CCSER1: variants seen among roughly 807,000 people sequenced by gnomAD.
CCSER1 encodes coiled-coil serine rich protein 1, also known as serine-rich coiled-coil domain-containing protein 1.
A neutral mutation model predicts 82.0 loss-of-function variants in CCSER1; 41 were observed. The ratio of observed to expected loss-of-function variants is 0.50; its 90% CI spans 0.39 to 0.65. The LOEUF is 0.65. CCSER1 is among the 30% of genes least tolerant of loss of function. CCSER1 has a pLI of 0.00. For missense variants in CCSER1, 1,119 were observed against 1,064.2 expected, an observed-to-expected ratio of 1.05 and a Z score of -0.72; for synonymous variants, 414 against 383.9, an observed-to-expected ratio of 1.08 and a Z score of -0.92.
intron 6 of CCSER1, among the ~76,000 whole-genome samples, chr4:90,688,477 G>A (rs1295480939): frequency 1.3e-5 from 2 of 151,766 alleles, no homozygotes; most frequent in African/African-American, 2.4e-5. Flanking sequence ...TCTTTAAATG[G>A]TTGTCACTAT....
At chr4:90,234,351 G>C (rs1394499229) in intron 1 of CCSER1, among the ~76,000 whole-genome samples, 2 of 151,726 alleles carry the variant, frequency 1.3e-5, no homozygotes, top group Non-Finnish European at 2.9e-5. Flanking sequence ...CAAATAGCTG[G>C]GATTACAGGT....
chr4:91,376,841 T>C (rs753076067), intron 10 of CCSER1, among the ~76,000 whole-genome samples: 8 of 152,124 alleles, frequency 5.3e-5, no homozygotes, highest in Non-Finnish European at 8.8e-5. Context: ...ATGTGCCATG[T>C]TGGTGTGCTG....
intron 1 of CCSER1, among the ~76,000 whole-genome samples, chr4:90,163,538 T>C (rs1366891537): frequency 3.4e-5 from 5 of 145,296 alleles, no homozygotes; most frequent in African/African-American, 1.4e-4. Context: ...TTTTACCTAT[T>C]ATTATTAATT....
chr4:91,327,156 G>A (rs947689991), intron 10 of CCSER1, among the ~76,000 whole-genome samples: 8 of 152,100 alleles, frequency 5.3e-5, no homozygotes, highest in East Asian at 3.9e-4. Flanking sequence ...GTGGGGGCTC[G>A]AACCCCACAT....
intron 6 of CCSER1, among the ~76,000 whole-genome samples, chr4:90,662,868 C>A (rs1350730485): frequency 6.6e-6 from 1 of 152,076 alleles, no homozygotes; most frequent in Non-Finnish European, 1.5e-5. Context: ...ATGTCATAAT[C>A]CAATGATGTC....
At chr4:90,808,748 G>A (rs1460233814) in intron 7 of CCSER1, among the ~76,000 whole-genome samples, 1 of 152,164 alleles carries the variant, frequency 6.6e-6, no homozygotes, top group African/African-American at 2.4e-5. Context: ...ATGTTACCAT[G>A]GATGTGGTAA....
chr4:90,138,733 A>G (rs1724172575), intron 1 of CCSER1, among the ~76,000 whole-genome samples: 1 of 151,926 alleles, frequency 6.6e-6, no homozygotes, highest in Non-Finnish European at 1.5e-5. Context: ...TTTAAGTTCT[A>G]GGGTACATAT....
At chr4:90,202,501 C>T (rs1287752678) in intron 1 of CCSER1, among the ~76,000 whole-genome samples, 2 of 152,168 alleles carry the variant, frequency 1.3e-5, no homozygotes, top group Non-Finnish European at 2.9e-5. Context: ...CTGTGACCCG[C>T]CGTAAATAAA....
chr4:90,809,151 C>CCACA (rs61533923), intron 7 of CCSER1, among the ~76,000 whole-genome samples: 7 of 67,596 alleles, frequency 1.0e-4, no homozygotes, highest in East Asian at 1.1e-3. Flanking sequence ...GACCCCATTT[C>CCACA]CACACACACA....
At chr4:91,417,506 C>A (rs1007080119) in intron 10 of CCSER1, among the ~76,000 whole-genome samples, 3 of 152,002 alleles carry the variant, frequency 2.0e-5, no homozygotes, top group Non-Finnish European at 4.4e-5. Flanking sequence ...GAATACTATG[C>A]AGCTATAAAA....
At chr4:91,485,270 A>G (rs1045854577) in intron 10 of CCSER1, among the ~76,000 whole-genome samples, 1 of 152,178 alleles carries the variant, frequency 6.6e-6, no homozygotes, top group Non-Finnish European at 1.5e-5. Flanking sequence ...CTGGTAGAGG[A>G]CAAAGCGATG....
At chr4:91,073,657 CAG>C (rs1460002083) in intron 9 of CCSER1, among the ~76,000 whole-genome samples, 2 of 151,898 alleles carry the variant, frequency 1.3e-5, no homozygotes. Flanking sequence ...TTAAAAAAAT[CAG>C]AAACTACGGA....
intron 8 of CCSER1, among the ~76,000 whole-genome samples, chr4:90,880,290 A>G (rs1470314784): frequency 6.6e-6 from 1 of 152,056 alleles, no homozygotes; most frequent in Non-Finnish European, 1.5e-5. Context: ...AGTTATGGCT[A>G]AGGGACTTTT....
chr4:90,183,924 AAAT>A (rs1199593473), intron 1 of CCSER1, among the ~76,000 whole-genome samples: 1 of 152,166 alleles, frequency 6.6e-6, no homozygotes, highest in African/African-American at 2.4e-5. Flanking sequence ...ACAAATAAAT[AAAT>A]AATACCATAA....
intron 10 of CCSER1, among the ~76,000 whole-genome samples, chr4:91,319,481 A>G (rs1746046393): frequency 6.6e-6 from 1 of 152,082 alleles, no homozygotes; most frequent in Admixed American, 6.6e-5. Flanking sequence ...AGAGTTTGAC[A>G]AAATGACTTT....
chr4:91,322,639 T>TA (rs11386627), intron 10 of CCSER1, among the ~76,000 whole-genome samples: 105,669 of 151,836 alleles, frequency 0.7, 37,006 homozygotes, highest in African/African-American at 0.76. Flanking sequence ...TTAATTAAAT[T>TA]AAGGGGAAAC....
intron 8 of CCSER1, among the ~76,000 whole-genome samples, chr4:90,832,765 C>G (rs1411246847): frequency 6.6e-6 from 1 of 152,032 alleles, no homozygotes; most frequent in Non-Finnish European, 1.5e-5. Context: ...CTTCTAGAAC[C>G]AAATGGTGTG....
intron 10 of CCSER1, among the ~76,000 whole-genome samples, chr4:91,580,200 A>G (rs376275637): frequency 6.6e-6 from 1 of 151,880 alleles, no homozygotes; most frequent in African/African-American, 2.4e-5. Flanking sequence ...GTTGTACTTT[A>G]TTAATGACAA....
chr4:90,172,163 C>G (rs557421442), intron 1 of CCSER1, among the ~76,000 whole-genome samples: 70 of 152,020 alleles, frequency 4.6e-4, no homozygotes, highest in Non-Finnish European at 7.8e-4. Flanking sequence ...ACACTGAACA[C>G]TTACGTGATG....
Sources: allele counts gnomAD v4.1 joint callset (sites outside exome capture counted in the v4.1 genomes callset), GRCh38; gene constraint gnomAD v4.1.1; transcripts MANE v1.5; gene names NCBI Gene and HGNC (gene_info 2026-07-23, HGNC 2026-07-21).